Variants in MYO3A observed in about 807,000 individuals in gnomAD.
The protein encoded by MYO3A is myosin-IIIa.
A neutral mutation model predicts 192.7 loss-of-function variants in MYO3A; 180 were observed. The observed-to-expected ratio is 0.93, with a 90% CI of 0.83 to 1.06. The LOEUF is 1.06. MYO3A is among the 50% of genes least tolerant of loss of function. The probability of loss-of-function intolerance (pLI) is 0.00; values close to 1 mark genes in which losing one functional copy is unlikely to be tolerated. For synonymous variants in MYO3A, 628 were observed against 645.3 expected (o/e 0.97, Z 0.41); for missense variants, 1,896 against 1,905.0 (o/e 1.00, Z 0.09).
intron 26 of MYO3A, among the ~76,000 whole-genome samples, chr10:26,160,474 C>T (rs1433971922): frequency 6.6e-6 from 1 of 152,058 alleles, no homozygotes; most frequent in Non-Finnish European, 1.5e-5. Flanking sequence ...AAGACCCCAT[C>T]TCTAAAAACA....
At chr10:25,966,253 G>A (rs1048739238) in intron 4 of MYO3A, among the ~76,000 whole-genome samples, 8 of 152,112 alleles carry the variant, frequency 5.3e-5, no homozygotes, top group African/African-American at 1.2e-4. Flanking sequence ...ACGTGTGTGC[G>A]TAAGTTTACA....
At chr10:26,040,023 C>T (rs75921967) in intron 10 of MYO3A, among the ~76,000 whole-genome samples, 9,210 of 151,680 alleles carry the variant, frequency 0.061, 364 homozygotes, top group Non-Finnish European at 0.088. Context: ...CTATAAATTT[C>T]CCTCCCATTA....
At chr10:26,153,269 G>T (rs1399418017) in intron 23 of MYO3A, among the ~76,000 whole-genome samples, 1 of 152,092 alleles carries the variant, frequency 6.6e-6, no homozygotes, top group Admixed American at 6.5e-5. Flanking sequence ...TGACCCAAAG[G>T]CAACACAGTT....
In MYO3A at chr10:26,049,728, G is replaced by A. The variant is rs1200524293; in HGVS notation, c.954-17247G>A. On this transcript the variant is annotated intron_variant, in intron 10 of 34. Transcript: ENST00000642920. ...GAGTCTTGCTCTGTTACCCAGGCTG[G>A]AGTGCAGTGGCGCAATCTCAGCTCA... is the stretch of plus-strand genomic sequence containing the variant. Among the ~76,000 whole-genome samples, 3 of 138,722 alleles carry A rather than the reference G, an allele frequency of 2.2e-5. No individual in the cohort carries two copies. In the Admixed American group the frequency reaches 2.3e-4, roughly 11 times the overall value. The allele number at this position is 138,722 out of a possible 152,430, so 91.0% of individuals were successfully genotyped here.
At chr10:25,957,707 C>G (rs1225185342) in intron 4 of MYO3A, among the ~76,000 whole-genome samples, 2 of 152,166 alleles carry the variant, frequency 1.3e-5, no homozygotes, top group African/African-American at 4.8e-5. Flanking sequence ...TACAATCTCA[C>G]CAGCAGCATA....
intron 32 of MYO3A, among the ~76,000 whole-genome samples, chr10:26,195,419 AATT>A (rs2132165399): frequency 6.6e-6 from 1 of 152,156 alleles, no homozygotes; most frequent in South Asian, 2.1e-4. Flanking sequence ...TTCCCCTTCC[AATT>A]AACGTATTTT....
chr10:26,183,829 C>T (rs532085821), intron 31 of MYO3A, among the ~76,000 whole-genome samples: 2 of 152,272 alleles, frequency 1.3e-5, no homozygotes, highest in South Asian at 4.1e-4. Context: ...TCTAGGGACA[C>T]TCAGAGCAGG....
In MYO3A at chr10:26,085,227, A is replaced by G. The variant is rs529322879; in HGVS notation, c.1360-2976A>G. On this transcript the variant is annotated intron_variant, in intron 14 of 34. Transcript: ENST00000642920. Reference sequence around the variant, plus strand: ...AACTCATTTTATTGATTCTTTTTATAGTTTTTCCTTTCTCTATTTGATTTA... The same window carrying G: ...AACTCATTTTATTGATTCTTTTTATGGTTTTTCCTTTCTCTATTTGATTTA... Among the ~76,000 whole-genome samples the G allele has an allele frequency of 4.6e-5, 7 of 151,404 alleles. No individual in the cohort carries two copies. The East Asian group carries it at 1.2e-3, about 25-fold the overall frequency.
chr10:26,039,530 G>T (rs942795215), intron 10 of MYO3A, among the ~76,000 whole-genome samples: 1 of 152,048 alleles, frequency 6.6e-6, no homozygotes, highest in African/African-American at 2.4e-5. Flanking sequence ...TTTCTTTGCT[G>T]GGAGACTTTT....
chr10:26,145,643 T>C (rs1183299593), intron 22 of MYO3A, 109 bp downstream of exon 22: 5 of 899,560 alleles, frequency 5.6e-6, no homozygotes, highest in Non-Finnish European at 9.0e-6. Flanking sequence ...GATAATGTCA[T>C]AGCTGTCTGT....
At chr10:26,088,175 TA>T in intron 14 of MYO3A, 27 bp from the exon 15 acceptor site, 1 of 1,506,186 alleles carries the variant, frequency 6.6e-7, no homozygotes, top group Non-Finnish European at 9.0e-7. Context: ...TTTATGTTTT[TA>T]AAAATATCTT....
intron 15 of MYO3A, among the ~76,000 whole-genome samples, chr10:26,091,389 A>G (rs1295273585): frequency 6.6e-6 from 1 of 152,206 alleles, no homozygotes; most frequent in South Asian, 2.1e-4. Flanking sequence ...TCAAGGAGAA[A>G]ATTTTAAAAG....
chr10:26,174,831 T>C (rs1484422661), intron 30 of MYO3A, among the ~76,000 whole-genome samples: 1 of 152,120 alleles, frequency 6.6e-6, no homozygotes, highest in African/African-American at 2.4e-5. Flanking sequence ...ATGCTGAGGC[T>C]CGACAGTGAA....
chr10:26,060,973 G>A (rs1339285494), intron 10 of MYO3A, among the ~76,000 whole-genome samples: 1 of 151,756 alleles, frequency 6.6e-6, no homozygotes, highest in Non-Finnish European at 1.5e-5. Flanking sequence ...CTGTCACCCA[G>A]GCTGGAGTGC....
intron 2 of MYO3A, among the ~76,000 whole-genome samples, chr10:25,945,627 A>C (rs1836786088): frequency 6.6e-6 from 1 of 152,020 alleles, no homozygotes; most frequent in Non-Finnish European, 1.5e-5. Context: ...GTCTCTTGTA[A>C]AAGTTTATGA....
chr10:26,211,801 C>G, intron 34 of MYO3A, 42 bp from the exon 35 acceptor site: 1 of 1,613,084 alleles, frequency 6.2e-7, no homozygotes, highest in Admixed American at 1.7e-5. Flanking sequence ...GCGCTGCTCA[C>G]TGTGGTGAGG....
chr10:26,017,515 G>C, intron 7 of MYO3A, among the ~76,000 whole-genome samples: 1 of 152,172 alleles, frequency 6.6e-6, no homozygotes, highest in East Asian at 1.9e-4. Context: ...CTCTACAACT[G>C]TTGGGGAAAG....
At chr10:26,178,420 C>T (rs1036554203) in intron 31 of MYO3A, among the ~76,000 whole-genome samples, 1 of 151,940 alleles carries the variant, frequency 6.6e-6, no homozygotes, top group African/African-American at 2.4e-5. Flanking sequence ...GGCCTGGTGG[C>T]AGGTGCCCAT....
At chr10:26,091,606 A>G (rs1046648219) in intron 15 of MYO3A, among the ~76,000 whole-genome samples, 1 of 152,216 alleles carries the variant, frequency 6.6e-6, no homozygotes, top group Non-Finnish European at 1.5e-5. Context: ...GGTCCTCTCC[A>G]TTGTGGAGAA....
Sources: gnomAD v4.1 joint callset for allele counts (sites outside exome capture counted in the v4.1 genomes callset) on GRCh38, gnomAD v4.1.1 for gene constraint, MANE v1.5 for transcripts, NCBI Gene and HGNC (gene_info 2026-07-23, HGNC 2026-07-21) for gene names.